Variants in COQ10B observed in about 807,000 individuals in gnomAD.
COQ10B encodes the protein coenzyme Q10B, also known as coenzyme Q-binding protein COQ10 homolog B, mitochondrial.
In COQ10B, 12 loss-of-function variants were observed where a neutral mutation model predicts 27.6. The observed-to-expected ratio is 0.43, with a 90% CI of 0.28 to 0.70. COQ10B has a LOEUF of 0.70. Among genes scored for constraint, COQ10B ranks in the 30% least tolerant of loss-of-function variants. The pLI, the probability that COQ10B is intolerant of heterozygous loss-of-function variation, is 0.17. For missense variants in COQ10B, 278 were observed against 288.7 expected, an observed-to-expected ratio of 0.96 and a Z score of 0.27; for synonymous variants, 115 against 103.0, an observed-to-expected ratio of 1.12 and a Z score of -0.71.
At chr2:197,473,181 A>G (rs1276335905) in intron 4 of COQ10B, among the ~76,000 whole-genome samples, 1 of 152,012 alleles carries the variant, frequency 6.6e-6, no homozygotes, top group South Asian at 2.1e-4. Context: ...TCCCACCTAC[A>G]TACATCCACA....
At chr2:197,461,591 GTGTGA>G (rs1251298526) in intron 2 of COQ10B, among the ~76,000 whole-genome samples, 19 of 150,928 alleles carry the variant, frequency 1.3e-4, no homozygotes, top group African/African-American at 4.4e-4. Context: ...GTGTGTGTGT[GTGTGA>G]GGGAGGGAGA....
intron 1 of COQ10B, 159 bp downstream of exon 1, chr2:197,453,823 CAA>C: frequency 9.6e-7 from 1 of 1,040,626 alleles, no homozygotes; most frequent in Non-Finnish European, 1.4e-6. Context: ...CTGAGGGACT[CAA>C]GAGCGGCGCG....
At position 197,460,085 on chromosome 2, in the gene COQ10B, C is replaced by T. The variant is rs182337005; in HGVS notation, c.254+4C>T. On this transcript the variant is annotated splice_donor_region_variant and intron_variant, in intron 2 of 4. Transcript: ENST00000263960. Reference sequence around the variant, plus strand: ...ATTCAGAGAGAAGAATTTTAGGGTTCGTATATGATAAGAATTCTACTAAAA... The same window carrying T: ...ATTCAGAGAGAAGAATTTTAGGGTTTGTATATGATAAGAATTCTACTAAAA... 1,865 of 1,591,170 alleles carry T rather than the reference C, an allele frequency of 1.2e-3. 6 individuals carry two copies. The highest frequency in any genetic ancestry group is 2.5e-3 in the African/African-American group (183 of 74,094).
chr2:197,471,554 A>G (rs911598809), intron 4 of COQ10B, among the ~76,000 whole-genome samples: 1 of 152,198 alleles, frequency 6.6e-6, no homozygotes, highest in African/African-American at 2.4e-5. Context: ...CAACTTGGGC[A>G]TTGAATTTTA....
chr2:197,460,674 T>C (rs1259368561), intron 2 of COQ10B, among the ~76,000 whole-genome samples: 1 of 152,240 alleles, frequency 6.6e-6, no homozygotes, highest in Non-Finnish European at 1.5e-5. Context: ...AGCTTCCTCA[T>C]GTATAGATAT....
chr2:197,460,428 T>G (rs1412924930), intron 2 of COQ10B, among the ~76,000 whole-genome samples: 2 of 152,118 alleles, frequency 1.3e-5, no homozygotes, highest in Non-Finnish European at 2.9e-5. Context: ...CCTGACCTCA[T>G]GATCCACCTG....
rs1209885957 is a variant in COQ10B at position 197,473,393 on chromosome 2, C to CCG, written c.550-363_550-362insGC. 4.2e-3 allele frequency among the ~76,000 whole-genome samples: 513 copies of CCG among 120,830 alleles called. 7 individuals carry two copies. The highest frequency in any genetic ancestry group is 0.016 in the African/African-American group (471 of 28,606). The allele number at this position is 120,830 out of a possible 152,430, so 79.3% of individuals were successfully genotyped here. A position where few individuals can be genotyped will look rare whatever the true frequency, so the allele number is the denominator to read the frequency against. ...ACATGGCAAAACCCCTTCTCTACGCCCCCCCCCACAAAAAAAAAAAAAATA... is the reference window on the plus strand; with the variant it reads ...ACATGGCAAAACCCCTTCTCTACGCCCGCCCCCCCACAAAAAAAAAAAAAATA... On this transcript the variant is annotated intron_variant, in intron 4 of 4. Coordinates refer to ENST00000263960, the MANE Select transcript of COQ10B (RefSeq NM_025147.5).
At chr2:197,469,079 G>C (rs1319920455) in intron 3 of COQ10B, among the ~76,000 whole-genome samples, 2 of 152,042 alleles carry the variant, frequency 1.3e-5, no homozygotes, top group African/African-American at 2.4e-5. Flanking sequence ...CTGTCACCCA[G>C]GCTGGAGTTC....
At chr2:197,459,026 A>G (rs991635429) in intron 1 of COQ10B, among the ~76,000 whole-genome samples, 2 of 152,220 alleles carry the variant, frequency 1.3e-5, no homozygotes, top group Non-Finnish European at 2.9e-5. Flanking sequence ...ATTTAGGTGA[A>G]CAAGCATATA....
intron 4 of COQ10B, among the ~76,000 whole-genome samples, chr2:197,470,850 G>A (rs900217932): frequency 2.0e-5 from 3 of 152,152 alleles, no homozygotes; most frequent in Non-Finnish European, 1.5e-5. Flanking sequence ...AGCCGAGATC[G>A]TGCCATTGCA....
At chr2:197,469,225 CAG>C (rs2085856185) in intron 3 of COQ10B, among the ~76,000 whole-genome samples, 2 of 151,860 alleles carry the variant, frequency 1.3e-5, no homozygotes, top group South Asian at 2.1e-4. Flanking sequence ...TTCGAAGAGA[CAG>C]GGAATCTCGT....
intron 3 of COQ10B, among the ~76,000 whole-genome samples, chr2:197,465,503 G>T (rs1055570023): frequency 2.6e-5 from 4 of 151,660 alleles, no homozygotes; most frequent in African/African-American, 9.7e-5. Flanking sequence ...TATTGGCCAC[G>T]CTGGTCTTGA....
chr2:197,466,048 C>T (rs1341488236), intron 3 of COQ10B, among the ~76,000 whole-genome samples: 2 of 151,982 alleles, frequency 1.3e-5, no homozygotes, highest in South Asian at 2.1e-4. Context: ...GCCGAGATCG[C>T]GCCATTGCAC....
intron 3 of COQ10B, among the ~76,000 whole-genome samples, chr2:197,465,348 A>T (rs1263133822): frequency 6.7e-6 from 1 of 148,556 alleles, no homozygotes; most frequent in Non-Finnish European, 1.5e-5. Context: ...GCAGTACAGT[A>T]GCACAAGCAC....
At chr2:197,466,131 T>C (rs1195764471) in intron 3 of COQ10B, among the ~76,000 whole-genome samples, 1 of 152,108 alleles carries the variant, frequency 6.6e-6, no homozygotes, top group Non-Finnish European at 1.5e-5. Context: ...CCACACAGGA[T>C]AAAGTAAATC....
rs1041642618 is a variant in COQ10B at position 197,475,279 on chromosome 2, T to A, written c.*1355T>A. ...ATGAAGAAACAGACTTTAACAAATA[T>A]AAGCAAAATTCAGTTTTCTTTTAAC... is the stretch of plus-strand genomic sequence containing the variant. On this transcript the variant is annotated 3_prime_UTR_variant, in exon 5 of 5. Transcript: ENST00000263960. 1 of 152,174 alleles carries A rather than the reference T, an allele frequency of 6.6e-6. No homozygotes were observed. The highest frequency in any genetic ancestry group is 6.5e-5 in the Admixed American group (1 of 15,272). The allele number at this position is 152,174 out of a possible 1,614,324, so 9.4% of individuals were successfully genotyped here.
intron 4 of COQ10B, 103 bp from the exon 5 acceptor site, chr2:197,473,654 C>T (rs1485481158): frequency 4.8e-6 from 4 of 826,520 alleles, no homozygotes; most frequent in Non-Finnish European, 5.2e-6. Flanking sequence ...CCACTGCACT[C>T]CAACCTGGGC....
chr2:197,469,302 T>A (rs1482084983), intron 3 of COQ10B, among the ~76,000 whole-genome samples: 1 of 152,242 alleles, frequency 6.6e-6, no homozygotes, highest in East Asian at 1.9e-4. Flanking sequence ...ACTCCTGGGC[T>A]CAAGTGATCC....
At chr2:197,458,380 A>G (rs981167734) in intron 1 of COQ10B, among the ~76,000 whole-genome samples, 5 of 152,074 alleles carry the variant, frequency 3.3e-5, no homozygotes, top group Non-Finnish European at 7.4e-5. Context: ...TGTCTCAGCT[A>G]AAATCTTTTA....
Sources: allele counts gnomAD v4.1 joint callset (sites outside exome capture counted in the v4.1 genomes callset), GRCh38; gene constraint gnomAD v4.1.1; transcripts MANE v1.5; gene names NCBI Gene and HGNC (gene_info 2026-07-23, HGNC 2026-07-21).